The following LHFPL6 variants were observed in gnomAD, a reference collection of about 807,000 sequenced individuals.
LHFPL6 encodes the protein LHFPL tetraspan subfamily member 6.
A neutral mutation model predicts 20.6 loss-of-function variants in LHFPL6; 9 were observed. The observed-to-expected ratio is 0.44, with a 90% CI of 0.26 to 0.76. The LOEUF (loss-of-function observed/expected upper bound fraction) is 0.76. Among genes scored for constraint, LHFPL6 ranks in the 30% least tolerant of loss-of-function variants. The pLI is 0.20. For synonymous variants in LHFPL6, 105 were observed against 98.7 expected (o/e 1.06, Z -0.38); for missense variants, 218 against 253.5 (o/e 0.86, Z 0.95).
rs149858514 is a variant in LHFPL6, at chr13:39,552,119, T to C, written c.385+48713A>G. 2.1e-3 allele frequency among the ~76,000 whole-genome samples: 326 copies of C among 152,316 alleles called. 2 individuals are homozygous for C. Among genetic ancestry groups the C allele is most frequent in the African/African-American group, 7.1e-3 (294 of 41,572 alleles). On this transcript the variant is annotated intron_variant, in intron 2 of 3. Coordinates refer to ENST00000379589, the MANE Select transcript of LHFPL6 (RefSeq NM_005780.3). The stretch of plus-strand genomic sequence containing the variant: ...ACAAATCAGCACCCTCTGTGCCAGA[T>C]AGCATTCCCTTCATGGATCAGAAAT...
At chr13:39,427,340 T>C (rs1431240196) in intron 2 of LHFPL6, among the ~76,000 whole-genome samples, 2 of 152,234 alleles carry the variant, frequency 1.3e-5, no homozygotes, top group African/African-American at 4.8e-5. Flanking sequence ...AGAGAGGACA[T>C]CTGGCCTTGT....
At chr13:39,434,902 A>C (rs1301608247) in intron 2 of LHFPL6, among the ~76,000 whole-genome samples, 2 of 151,230 alleles carry the variant, frequency 1.3e-5, no homozygotes, top group Non-Finnish European at 3.0e-5. Context: ...TAAAAATACA[A>C]AAAATTAGCC....
intron 3 of LHFPL6, among the ~76,000 whole-genome samples, chr13:39,345,632 GACAACCA>G: frequency 6.6e-6 from 1 of 151,020 alleles, no homozygotes; most frequent in Non-Finnish European, 1.5e-5. Context: ...AAACCTCAAT[GACAACCA>G]GCGTTTGACT....
intron 3 of LHFPL6, among the ~76,000 whole-genome samples, chr13:39,352,616 G>A (rs1335752393): frequency 6.6e-6 from 1 of 152,026 alleles, no homozygotes; most frequent in Non-Finnish European, 1.5e-5. Context: ...TGTAGCCATA[G>A]TGTCTGAGTC....
chr13:39,349,403 T>A (rs913157865), intron 3 of LHFPL6, among the ~76,000 whole-genome samples: 3 of 152,182 alleles, frequency 2.0e-5, no homozygotes, highest in Non-Finnish European at 2.9e-5. Context: ...AAAAATACTG[T>A]CATCCAACCC....
chr13:39,580,547 T>C (rs1872251263), intron 2 of LHFPL6, among the ~76,000 whole-genome samples: 1 of 152,216 alleles, frequency 6.6e-6, no homozygotes, highest in African/African-American at 2.4e-5. Flanking sequence ...CAGTTCTTTA[T>C]AATTCTTTAC....
At chr13:39,439,544 T>C (rs1449121913) in intron 2 of LHFPL6, among the ~76,000 whole-genome samples, 1 of 152,152 alleles carries the variant, frequency 6.6e-6, no homozygotes, top group African/African-American at 2.4e-5. Context: ...GGGTCTGGGA[T>C]ATAATAATAT....
intron 2 of LHFPL6, among the ~76,000 whole-genome samples, chr13:39,485,106 T>C (rs1868682650): frequency 6.6e-6 from 1 of 152,178 alleles, no homozygotes. Flanking sequence ...TTTGCCCTCA[T>C]GAGTCAGTGA....
chr13:39,378,035 G>A (rs1870338166), intron 3 of LHFPL6, among the ~76,000 whole-genome samples: 1 of 152,162 alleles, frequency 6.6e-6, no homozygotes, highest in Non-Finnish European at 1.5e-5. Flanking sequence ...ATGTGAAATT[G>A]CTTTGAATTG....
At chr13:39,543,971 C>T (rs2324336) in intron 2 of LHFPL6, among the ~76,000 whole-genome samples, 32,366 of 152,140 alleles carry the variant, frequency 0.21, 4,403 homozygotes, top group Non-Finnish European at 0.29. Flanking sequence ...TTTAGCAATT[C>T]TGCTGTGTCC....
In LHFPL6 at chr13:39,456,361, A is replaced by T. The variant is rs989201872; in HGVS notation, c.386-77835T>A. 2.0e-5 allele frequency among the ~76,000 whole-genome samples: 3 copies of T among 152,352 alleles called. No individual in the cohort carries two copies. The South Asian group carries it at 6.2e-4, about 32-fold the overall frequency. Reference sequence around the variant, plus strand: ...TTACTCCCAAATCTGTAAAAGGCTGATATTAGATAGCAGAAATACAGATTT... The same window carrying T: ...TTACTCCCAAATCTGTAAAAGGCTGTTATTAGATAGCAGAAATACAGATTT... On this transcript the variant is annotated intron_variant, in intron 2 of 3. Coordinates refer to ENST00000379589, the MANE Select transcript of LHFPL6 (RefSeq NM_005780.3).
At chr13:39,592,219 A>G (rs1340766359) in intron 2 of LHFPL6, among the ~76,000 whole-genome samples, 1 of 152,138 alleles carries the variant, frequency 6.6e-6, no homozygotes, top group East Asian at 1.9e-4. Context: ...TTTTTAGAAA[A>G]AAAAAGTATG....
At chr13:39,470,055 C>T (rs1872904035) in intron 2 of LHFPL6, among the ~76,000 whole-genome samples, 1 of 152,088 alleles carries the variant, frequency 6.6e-6, no homozygotes. Flanking sequence ...ACTTAGAGGG[C>T]TTGAATAATC....
At chr13:39,598,626 G>A (rs1409094132) in intron 2 of LHFPL6, among the ~76,000 whole-genome samples, 1 of 152,098 alleles carries the variant, frequency 6.6e-6, no homozygotes, top group African/African-American at 2.4e-5. Context: ...CCCAATCTCA[G>A]CTCACTGCAA....
At chr13:39,448,456 C>T (rs113118797) in intron 2 of LHFPL6, among the ~76,000 whole-genome samples, 178 of 152,276 alleles carry the variant, frequency 1.2e-3, no homozygotes, top group Middle Eastern at 6.8e-3. Flanking sequence ...AAGAATCTAG[C>T]ACATTGGCTA....
intron 2 of LHFPL6, among the ~76,000 whole-genome samples, chr13:39,469,359 C>G (rs561453201): frequency 1.3e-5 from 2 of 152,340 alleles, no homozygotes; most frequent in East Asian, 3.9e-4. Flanking sequence ...CCACCACGCA[C>G]TTTCCCTCTT....
chr13:39,345,512 C>CAAAAAAAAAAAAAAAAAAAAAAA lies in LHFPL6; in HGVS notation c.485-1481_485-1459dup, dbSNP rs71077225. Among the ~76,000 whole-genome samples the CAAAAAAAAAAAAAAAAAAAAAAA allele has an allele frequency of 4.4e-4, 19 of 43,452 alleles. 2 individuals carry two copies. The highest frequency in any genetic ancestry group is 2.0e-3 in the East Asian group (2 of 1,016). The allele number at this position is 43,452 out of a possible 152,430, so 28.5% of individuals were successfully genotyped here. On this transcript the variant is annotated intron_variant, in intron 3 of 3. Transcript: ENST00000379589. ...TGGGTCAGGGAGCGAGACTCCATCTCAAAAAAAAAAAAAAAAAAAAAAAAA... is the reference window on the plus strand; with the variant it reads ...TGGGTCAGGGAGCGAGACTCCATCTCAAAAAAAAAAAAAAAAAAAAAAAAAAAAAAAAAAAAAAAAAAAAAAAA...
intron 2 of LHFPL6, among the ~76,000 whole-genome samples, chr13:39,455,126 G>A (rs543444823): frequency 1.3e-5 from 2 of 152,170 alleles, no homozygotes; most frequent in Non-Finnish European, 2.9e-5. Context: ...CCAGAATTGT[G>A]AGAAATAAAG....
chr13:39,456,694 A>G (rs1872577873), intron 2 of LHFPL6, among the ~76,000 whole-genome samples: 2 of 152,236 alleles, frequency 1.3e-5, no homozygotes, highest in Non-Finnish European at 2.9e-5. Flanking sequence ...CTCAGACTGC[A>G]TTCAAAAATT....
Sources: gnomAD v4.1 joint callset for allele counts (sites outside exome capture counted in the v4.1 genomes callset) on GRCh38, gnomAD v4.1.1 for gene constraint, MANE v1.5 for transcripts, NCBI Gene and HGNC (gene_info 2026-07-23, HGNC 2026-07-21) for gene names.